The following EVA1A variants were observed in gnomAD, a reference collection of about 807,000 sequenced individuals.
The protein encoded by EVA1A is protein eva-1 homolog A.
Under a neutral mutation model 9.8 loss-of-function variants are expected in EVA1A, and 7 were observed. That is an observed-to-expected ratio of 0.71 (90% CI 0.41 to 1.34). The LOEUF (loss-of-function observed/expected upper bound fraction) is 1.34. EVA1A is among the 40% of genes most tolerant of loss of function. EVA1A has a pLI of 0.01. For synonymous variants in EVA1A, 90 were observed against 85.6 expected, an observed-to-expected ratio of 1.05 and a Z score of -0.28; for missense variants, 206 against 205.9, an observed-to-expected ratio of 1.00 and a Z score of 0.00.
intron 3 of EVA1A, among the ~76,000 whole-genome samples, chr2:75,508,768 T>C (rs372670360): frequency 6.6e-6 from 1 of 152,118 alleles, no homozygotes; most frequent in Non-Finnish European, 1.5e-5. Context: ...CCTACCGACA[T>C]GTGATGTCTC....
At chr2:75,559,698 G>GGC (rs1553422513) in intron 1 of EVA1A, among the ~76,000 whole-genome samples, 1 of 10,522 alleles carries the variant, frequency 9.5e-5, no homozygotes, top group African/African-American at 5.5e-4. Context: ...GAAAGGAGGT[G>GGC]GGGGGGGGGC....
At position 75,518,226 on chromosome 2, in the gene EVA1A, G is replaced by C. The variant is rs980389589; in HGVS notation, c.-68-18C>G. The stretch of plus-strand genomic sequence containing the variant: ...CTTCTCTTCTGTTTGGGAACATAAA[G>C]TGAGTGATAAGAAACATTCTGCTGT... On this transcript the variant is annotated intron_variant, in intron 2 of 3. Coordinates refer to ENST00000393913, the MANE Select transcript of EVA1A (RefSeq NM_001135032.2). 14 of 1,556,854 alleles carry C rather than the reference G, an allele frequency of 9.0e-6. No homozygotes were observed. The highest frequency in any genetic ancestry group is 1.2e-5 in the Non-Finnish European group (14 of 1,154,266).
At chr2:75,527,243 A>T (rs1196731083) in intron 1 of EVA1A, among the ~76,000 whole-genome samples, 1 of 152,200 alleles carries the variant, frequency 6.6e-6, no homozygotes. Flanking sequence ...CCCTTAAGAG[A>T]CCATAGCAAG....
upstream of EVA1A, among the ~76,000 whole-genome samples, chr2:75,565,822 C>T (rs1677015715): frequency 6.6e-6 from 1 of 152,218 alleles, no homozygotes; most frequent in Admixed American, 6.5e-5. Flanking sequence ...TTAATGATGT[C>T]ACTTTAGGAA....
At chr2:75,511,411 T>C (rs373309247) in intron 3 of EVA1A, among the ~76,000 whole-genome samples, 2 of 152,182 alleles carry the variant, frequency 1.3e-5, no homozygotes, top group African/African-American at 4.8e-5. Context: ...GGTTAAACTA[T>C]GGATGTCTAT....
chr2:75,556,373 T>A (rs940798495), intron 1 of EVA1A, among the ~76,000 whole-genome samples: 10 of 152,198 alleles, frequency 6.6e-5, no homozygotes, highest in Non-Finnish European at 1.5e-4. Flanking sequence ...CTACCCAAAG[T>A]GGCAGCCAAC....
chr2:75,504,798 G>T (rs1198780865), intron 3 of EVA1A, among the ~76,000 whole-genome samples: 1 of 151,890 alleles, frequency 6.6e-6, no homozygotes, highest in Non-Finnish European at 1.5e-5. Context: ...GCTTGTCGGG[G>T]GGTGGGGGGC....
In EVA1A at chr2:75,531,799, T is replaced by C. The variant is rs937522017; in HGVS notation, c.-191-9312A>G. Among the ~76,000 whole-genome samples, 9 of 152,074 alleles carry C rather than the reference T, an allele frequency of 5.9e-5. No homozygotes were observed. The East Asian group carries it at 7.7e-4, about 13-fold the overall frequency. Reference sequence around the variant, plus strand: ...AGGGTAAGGGGTAAAAGACTATACATTGGGTACAGTATACACTGCTTGGGT... The same window carrying C: ...AGGGTAAGGGGTAAAAGACTATACACTGGGTACAGTATACACTGCTTGGGT... On this transcript the variant is annotated intron_variant, in intron 1 of 3. Transcript: ENST00000393913.
At chr2:75,516,433 A>T (rs113451490) in intron 3 of EVA1A, among the ~76,000 whole-genome samples, 26 of 152,302 alleles carry the variant, frequency 1.7e-4, no homozygotes, top group African/African-American at 5.5e-4. Flanking sequence ...GTCTTCCTGC[A>T]TCCCAAGTAG....
chr2:75,547,758 C>A (rs1305739386), intron 1 of EVA1A, among the ~76,000 whole-genome samples: 2 of 152,210 alleles, frequency 1.3e-5, no homozygotes, highest in African/African-American at 2.4e-5. Context: ...TACCTCCATT[C>A]TCTCCCCATC....
At chr2:75,537,480 A>G (rs1675953514) in intron 1 of EVA1A, among the ~76,000 whole-genome samples, 1 of 152,366 alleles carries the variant, frequency 6.6e-6, no homozygotes, top group African/African-American at 2.4e-5. Flanking sequence ...TGAGGCAAGA[A>G]AAGGTACTAA....
chr2:75,513,349 T>G (rs951758538), intron 3 of EVA1A, among the ~76,000 whole-genome samples: 2 of 152,250 alleles, frequency 1.3e-5, no homozygotes, highest in Admixed American at 1.3e-4. Context: ...CCTCATGCTA[T>G]ACATTAGAAC....
rs573068208 is a variant in EVA1A at position 75,503,309 on chromosome 2, T to C, written c.86-9700A>G. ...CTTCCTCTTGGCCAGTGATCCACCC[T>C]GGTCTTGACCAGATCCAGACAGCTG... On this transcript the variant is annotated intron_variant, in intron 3 of 3. Coordinates refer to ENST00000393913, the MANE Select transcript of EVA1A (RefSeq NM_001135032.2). Among the ~76,000 whole-genome samples the C allele has an allele frequency of 3.2e-3, 486 of 152,368 alleles. 3 individuals carry two copies. The highest frequency in any genetic ancestry group is 5.4e-3 in the Non-Finnish European group (368 of 68,036).
At chr2:75,554,745 C>T (rs1277961337) in intron 1 of EVA1A, among the ~76,000 whole-genome samples, 1 of 152,080 alleles carries the variant, frequency 6.6e-6, no homozygotes, top group Non-Finnish European at 1.5e-5. Context: ...GCACCCACCC[C>T]AGGTTATAAT....
intron 1 of EVA1A, among the ~76,000 whole-genome samples, chr2:75,536,961 AGCTAGCATTACAC>A (rs772084698): frequency 1.3e-5 from 2 of 152,220 alleles, no homozygotes; most frequent in Non-Finnish European, 2.9e-5. Context: ...CATTTCATGA[AGCTAGCATTACAC>A]GGATACCAAC....
At chr2:75,568,194 T>G (rs954349909) in intron 1 of EVA1A, among the ~76,000 whole-genome samples, 3 of 152,022 alleles carry the variant, frequency 2.0e-5, no homozygotes, top group African/African-American at 7.2e-5. Flanking sequence ...TCCTCTTTCC[T>G]TCTCTTTAAT....
chr2:75,542,291 A>C (rs561972737), intron 1 of EVA1A: 2 of 152,422 alleles, frequency 1.3e-5, no homozygotes, highest in South Asian at 4.1e-4. Flanking sequence ...GGACTAATAC[A>C]TGGTGCCAGG....
intron 3 of EVA1A, among the ~76,000 whole-genome samples, chr2:75,494,554 G>T (rs553530552): frequency 6.6e-6 from 1 of 152,212 alleles, no homozygotes; most frequent in Non-Finnish European, 1.5e-5. Flanking sequence ...ACTAAGGGTG[G>T]CCTTTGGCCA....
At chr2:75,536,410 A>G (rs6743716) in intron 1 of EVA1A, among the ~76,000 whole-genome samples, 2,414 of 152,292 alleles carry the variant, frequency 0.016, 63 homozygotes, top group African/African-American at 0.055. Context: ...GTTTAAAGAA[A>G]AAGGATAAAA....
Sources: gnomAD v4.1 joint callset for allele counts (sites outside exome capture counted in the v4.1 genomes callset) on GRCh38, gnomAD v4.1.1 for gene constraint, MANE v1.5 for transcripts, NCBI Gene and HGNC (gene_info 2026-07-23, HGNC 2026-07-21) for gene names.